Variants in DERA observed in about 807,000 individuals in gnomAD.
DERA encodes 2-deoxy-D-ribose 5-phosphate aldolase.
DERA carries 15 observed loss-of-function variants against 41.1 expected under a neutral mutation model. The observed-to-expected ratio is 0.37, with a 90% confidence interval of 0.24 to 0.56. DERA has a LOEUF of 0.56. Among genes scored for constraint, DERA ranks in the 20% least tolerant of loss-of-function variants. The probability of loss-of-function intolerance (pLI) is 0.81; values close to 1 mark genes in which losing one functional copy is unlikely to be tolerated. For synonymous variants in DERA, 139 were observed against 137.4 expected, an observed-to-expected ratio of 1.01 and a Z score of -0.08; for missense variants, 396 against 403.4, an observed-to-expected ratio of 0.98 and a Z score of 0.16.
intron 4 of DERA, among the ~76,000 whole-genome samples, chr12:15,960,787 A>C (rs186895470): frequency 6.6e-6 from 1 of 152,192 alleles, no homozygotes; most frequent in Non-Finnish European, 1.5e-5. Flanking sequence ...ATCTTAAAGG[A>C]TGAGGAGGAG....
At position 15,999,715 on chromosome 12, in the gene DERA, G is replaced by T. The variant is rs576403469; in HGVS notation, c.637+17279G>T. ...GCTAAGGAATTGAAGTTTCGTGTTT[G>T]GGGGTACAGGAAATTTTTAGCCTGA... On this transcript the variant is annotated intron_variant, in intron 6 of 8. Transcript: ENST00000428559. The surrounding 1 kb of genome is among the most constrained non-coding windows in gnomAD (Gnocchi z 5.3). 6.6e-6 allele frequency among the ~76,000 whole-genome samples: 1 copy of T among 152,158 alleles called. No individual in the cohort carries two copies. The highest frequency in any genetic ancestry group is 1.5e-5 in the Non-Finnish European group (1 of 68,032).
chr12:16,031,586 C>T (rs960146927), intron 6 of DERA, among the ~76,000 whole-genome samples: 2 of 152,188 alleles, frequency 1.3e-5, no homozygotes, highest in Admixed American at 6.5e-5. Flanking sequence ...ATCTTCCACA[C>T]TGACTATTTC....
intron 5 of DERA, among the ~76,000 whole-genome samples, chr12:15,978,358 C>T (rs78670848): frequency 0.098 from 14,891 of 152,154 alleles, 998 homozygotes; most frequent in Non-Finnish European, 0.14. Flanking sequence ...ACAGTGCTTG[C>T]TATTTTTTGT....
intron 1 of DERA, among the ~76,000 whole-genome samples, chr12:15,949,493 T>C (rs7969634): frequency 0.3 from 45,302 of 152,074 alleles, 7,590 homozygotes; most frequent in African/African-American, 0.43. Context: ...TGGGACCCTC[T>C]GAGCCGGGCG....
chr12:15,953,711 TCTC>T (rs1456420873), intron 1 of DERA, among the ~76,000 whole-genome samples: 2 of 152,164 alleles, frequency 1.3e-5, no homozygotes, highest in African/African-American at 4.8e-5. Flanking sequence ...TAGAATCACT[TCTC>T]CTGGAAAGGA....
rs928539231 is a variant in DERA at position 15,943,983 on chromosome 12, G to C, written c.32-12953G>C. On this transcript the variant is annotated intron_variant, in intron 1 of 8. Coordinates refer to ENST00000428559, the MANE Select transcript of DERA (RefSeq NM_015954.4). This position sits in a 1 kb window ranked among gnomAD's most constrained non-coding sequence, Gnocchi z 4.5. ...TATGAGTGAGAACATGCGGTGTTTG[G>C]TTTTTTGTCCTTGTGATAGTTTGCT... Among the ~76,000 whole-genome samples the C allele has an allele frequency of 1.3e-5, 2 of 149,928 alleles. No individual in the cohort carries two copies. The highest frequency in any genetic ancestry group is 3.0e-5 in the Non-Finnish European group (2 of 67,792).
intron 1 of DERA, among the ~76,000 whole-genome samples, chr12:15,939,950 G>A (rs1232514677): frequency 6.6e-6 from 1 of 152,196 alleles, no homozygotes; most frequent in African/African-American, 2.4e-5. Context: ...GACTATGGAA[G>A]CATATTTGGA....
chr12:16,005,833 T>G (rs1362422916), intron 6 of DERA, among the ~76,000 whole-genome samples: 2 of 152,226 alleles, frequency 1.3e-5, no homozygotes. Context: ...CCTGTAGACA[T>G]AGAAGATTAT....
At chr12:16,007,339 A>T (rs1166119241) in intron 6 of DERA, among the ~76,000 whole-genome samples, 1 of 152,092 alleles carries the variant, frequency 6.6e-6, no homozygotes, top group African/African-American at 2.4e-5. Context: ...ATGCATCACC[A>T]TGCCCGGCTA....
At position 16,009,202 on chromosome 12, in the gene DERA, A is replaced by G. The variant is rs1435393264; in HGVS notation, c.638-23340A>G. Among the ~76,000 whole-genome samples, 2 of 152,210 alleles carry G rather than the reference A, an allele frequency of 1.3e-5. No individual in the cohort carries two copies. Among genetic ancestry groups the G allele is most frequent in the Admixed American group, 6.5e-5 (1 of 15,276 alleles). On this transcript the variant is annotated intron_variant, in intron 6 of 8. Coordinates refer to ENST00000428559, the MANE Select transcript of DERA (RefSeq NM_015954.4). This position sits in a 1 kb window ranked among gnomAD's most constrained non-coding sequence, Gnocchi z 5.3. ...TTCTCTTACTGTTGTATGGTTGTCA[A>G]TCAGAATGAACTAGAATCTAAGATG... is the stretch of plus-strand genomic sequence containing the variant.
chr12:16,035,642 C>G lies in DERA; in HGVS notation c.751-590C>G, dbSNP rs973373225. Among the ~76,000 whole-genome samples the G allele has an allele frequency of 6.6e-6, 1 of 152,154 alleles. No homozygotes were observed. Among genetic ancestry groups the G allele is most frequent in the African/African-American group, 2.4e-5 (1 of 41,442 alleles). On this transcript the variant is annotated intron_variant, in intron 7 of 8. Transcript: ENST00000428559. This position sits in a 1 kb window ranked among gnomAD's most constrained non-coding sequence, Gnocchi z 4.1. ...TGCCCTTATGTAACTGGTCTGCCAG[C>G]TTTTTAGAACTGTGTGTGCCTGCAA...
intron 1 of DERA, chr12:15,951,278 GTTTCTACCT>G: frequency 6.6e-6 from 1 of 152,276 alleles, no homozygotes; most frequent in South Asian, 2.1e-4. Flanking sequence ...ATAATTATCA[GTTTCTACCT>G]GGGGGCCTGT....
intron 6 of DERA, among the ~76,000 whole-genome samples, chr12:16,024,315 T>C (rs2136186422): frequency 6.6e-6 from 1 of 152,230 alleles, no homozygotes; most frequent in East Asian, 1.9e-4. Flanking sequence ...GAACACCAAG[T>C]AGGACAAGTA....
rs1351383547 is a variant in DERA at position 15,936,886 on chromosome 12, T to TTGTCTTGTCCTGTCCTGTCC, written c.32-20046_32-20045insTTGTCCTGTCCTGTCCTGTC. On this transcript the variant is annotated intron_variant, in intron 1 of 8. Coordinates refer to ENST00000428559, the MANE Select transcript of DERA (RefSeq NM_015954.4). The surrounding 1 kb of genome is among the most constrained non-coding windows in gnomAD (Gnocchi z 4.6). Reference sequence around the variant, plus strand: ...TTGTCTTGTCTTGTCTTGTCTTGTCTTGTCCTGTCCTGTCCTGTCCTGTCC... The same window carrying TTGTCTTGTCCTGTCCTGTCC: ...TTGTCTTGTCTTGTCTTGTCTTGTCTTGTCTTGTCCTGTCCTGTCCTGTCCTGTCCTGTCCTGTCCTGTCC... Among the ~76,000 whole-genome samples, 11 of 136,926 alleles carry TTGTCTTGTCCTGTCCTGTCC rather than the reference T, an allele frequency of 8.0e-5. No homozygotes were observed. Among genetic ancestry groups the TTGTCTTGTCCTGTCCTGTCC allele is most frequent in the Middle Eastern group, 3.5e-3 (1 of 284 alleles). 89.8% of individuals were successfully genotyped at this position (136,926 alleles called of 152,430 possible).
chr12:15,920,391 C>CT (rs1565583329), intron 1 of DERA, among the ~76,000 whole-genome samples: 1 of 152,158 alleles, frequency 6.6e-6, no homozygotes, highest in Admixed American at 6.5e-5. Context: ...AATTCAGGCT[C>CT]TGTCTATGCT....
At chr12:15,974,776 T>C (rs1255886683) in intron 5 of DERA, among the ~76,000 whole-genome samples, 1 of 152,176 alleles carries the variant, frequency 6.6e-6, no homozygotes, top group Non-Finnish European at 1.5e-5. Context: ...ATTACTCTGA[T>C]TTTCTAATTC....
chr12:15,982,196 C>G lies in DERA; in HGVS notation c.509-112C>G. 3 of 1,084,230 alleles carry G rather than the reference C, an allele frequency of 2.8e-6. No individual in the cohort carries two copies. The East Asian group carries it at 7.7e-5, about 28-fold the overall frequency. The allele number at this position is 1,084,230 out of a possible 1,614,324, so 67.2% of individuals were successfully genotyped here. ...AATTGGGGTGATTTTTAGAAAGTGA[C>G]AAATGTTTTATGTTTCCTAAATGTG... On this transcript the variant is annotated intron_variant, in intron 5 of 8. Coordinates refer to ENST00000428559, the MANE Select transcript of DERA (RefSeq NM_015954.4). The surrounding 1 kb of genome is among the most constrained non-coding windows in gnomAD (Gnocchi z 4.0).
At position 16,036,195 on chromosome 12, in the gene DERA, C is replaced by G. The variant is rs774336473; in HGVS notation, c.751-37C>G. 1 of 1,508,242 alleles carries G rather than the reference C, an allele frequency of 6.6e-7. No homozygotes were observed. Among genetic ancestry groups the G allele is most frequent in the South Asian group, 1.3e-5 (1 of 75,672 alleles). 93.4% of individuals were successfully genotyped at this position (1,508,242 alleles called of 1,614,324 possible). ...ACTATTTTTAAAAGAAATCCAATAA[C>G]AATAAAGATTGTTCTATTCTCTGCC... On this transcript the variant is annotated intron_variant, in intron 7 of 8. Coordinates refer to ENST00000428559, the MANE Select transcript of DERA (RefSeq NM_015954.4). This position sits in a 1 kb window ranked among gnomAD's most constrained non-coding sequence, Gnocchi z 4.9.
chr12:16,022,417 G>A (rs772973210), intron 6 of DERA, among the ~76,000 whole-genome samples: 2 of 152,098 alleles, frequency 1.3e-5, no homozygotes, highest in African/African-American at 2.4e-5. Context: ...AAATTACCCA[G>A]CCTCAGGTAT....
Sources: allele counts gnomAD v4.1 joint callset (sites outside exome capture counted in the v4.1 genomes callset), GRCh38; gene constraint gnomAD v4.1.1; non-coding constraint Gnocchi (gnomAD v3.1); transcripts MANE v1.5; gene names NCBI Gene and HGNC (gene_info 2026-07-23, HGNC 2026-07-21).